UGT1A9: variants seen among roughly 807,000 people sequenced by gnomAD.
UGT1A9 encodes the protein UDP glucuronosyltransferase family 1 member A9.
Under a neutral mutation model 45.0 loss-of-function variants are expected in UGT1A9, and 35 were observed. The ratio of observed to expected loss-of-function variants is 0.78; its 90% CI spans 0.59 to 1.03. The LOEUF is 1.03. UGT1A9 is among the 50% of genes least tolerant of loss of function. The pLI is 0.00. For missense variants in UGT1A9, 687 were observed against 666.6 expected (o/e 1.03, Z -0.34); for synonymous variants, 278 against 250.6 (o/e 1.11, Z -1.03).
At chr2:233,740,026 G>A (rs1244657367) in intron 1 of UGT1A9, among the ~76,000 whole-genome samples, 1 of 151,782 alleles carries the variant, frequency 6.6e-6, no homozygotes, top group Non-Finnish European at 1.5e-5. Flanking sequence ...GAGAGCTGAT[G>A]GTTTTATAAG....
In UGT1A9 at chr2:233,734,393, C is replaced by T. The variant is rs557317498; in HGVS notation, c.856-32641C>T. On this transcript the variant is annotated intron_variant, in intron 1 of 4. Transcript: ENST00000354728. ...ATATTGCCTTTACTATTTTTTATTG[C>T]GTCTATTTGATTCTTCTCTCTTTTC... Among the ~76,000 whole-genome samples, 8 of 152,072 alleles carry T rather than the reference C, an allele frequency of 5.3e-5. No homozygotes were observed. In the East Asian group the frequency reaches 7.7e-4, roughly 15 times the overall value.
intron 1 of UGT1A9, among the ~76,000 whole-genome samples, chr2:233,710,430 T>C (rs1440479100): frequency 6.6e-6 from 1 of 152,242 alleles, no homozygotes; most frequent in Non-Finnish European, 1.5e-5. Context: ...AGACTTGCTA[T>C]TTTTAGTCTT....
At chr2:233,753,441 T>A (rs1695206490) in intron 1 of UGT1A9, 2 of 152,230 alleles carry the variant, frequency 1.3e-5, no homozygotes, top group African/African-American at 4.8e-5. Flanking sequence ...GTTAATGATG[T>A]GTTCAGGCCA....
At chr2:233,743,050 C>T (rs577515653) in intron 1 of UGT1A9, 59 of 318,104 alleles carry the variant, frequency 1.9e-4, no homozygotes, top group South Asian at 1.5e-3. Flanking sequence ...CCGTGTAGTC[C>T]CAACGATAAG....
chr2:233,705,342 G>A (rs2075842157), intron 1 of UGT1A9, among the ~76,000 whole-genome samples: 1 of 152,060 alleles, frequency 6.6e-6, no homozygotes, highest in Non-Finnish European at 1.5e-5. Flanking sequence ...CTCAATTTTT[G>A]TCTTATTACA....
At chr2:233,687,583 T>TAAAAAAAAAAAAAAAAAAAA in intron 1 of UGT1A9, among the ~76,000 whole-genome samples, 1 of 107,472 alleles carries the variant, frequency 9.3e-6, no homozygotes, top group Non-Finnish European at 1.9e-5. Context: ...ACATTCTTTG[T>TAAAAAAAAAAAAAAAAAAAA]AAAAAAAAAA....
intron 1 of UGT1A9, chr2:233,754,910 C>G: frequency 7.4e-7 from 1 of 1,353,942 alleles, no homozygotes; most frequent in South Asian, 1.1e-5. Flanking sequence ...CCAAAATATT[C>G]TCCAGCGGGT....
At chr2:233,746,322 CTA>C (rs780402376) in intron 1 of UGT1A9, among the ~76,000 whole-genome samples, 9 of 151,756 alleles carry the variant, frequency 5.9e-5, no homozygotes, top group Non-Finnish European at 1.0e-4. Flanking sequence ...TGTAGATGAT[CTA>C]CAGGGCAATG....
At chr2:233,714,779 A>T (rs2076411576) in intron 1 of UGT1A9, among the ~76,000 whole-genome samples, 1 of 152,270 alleles carries the variant, frequency 6.6e-6, no homozygotes, top group African/African-American at 2.4e-5. Flanking sequence ...AATTTGGAAT[A>T]GCCACATTTC....
At chr2:233,711,610 G>C (rs1267799055) in intron 1 of UGT1A9, among the ~76,000 whole-genome samples, 1 of 152,160 alleles carries the variant, frequency 6.6e-6, no homozygotes, top group Non-Finnish European at 1.5e-5. Flanking sequence ...GCGCCCTCTG[G>C]TGGACAGCTC....
intron 1 of UGT1A9, among the ~76,000 whole-genome samples, chr2:233,740,219 C>T (rs1379344559): frequency 6.6e-6 from 1 of 151,748 alleles, no homozygotes; most frequent in African/African-American, 2.4e-5. Context: ...GTCTCAGCTG[C>T]GTCTTTATAG....
At chr2:233,759,776 G>A (rs1697250630) in intron 1 of UGT1A9, among the ~76,000 whole-genome samples, 1 of 152,160 alleles carries the variant, frequency 6.6e-6, no homozygotes, top group African/African-American at 2.4e-5. Context: ...ATTGTTGGAC[G>A]AAGGAATGAA....
At chr2:233,677,047 A>G in intron 1 of UGT1A9, among the ~76,000 whole-genome samples, 1 of 151,876 alleles carries the variant, frequency 6.6e-6, no homozygotes, top group East Asian at 1.9e-4. Context: ...GCATTACCAT[A>G]TGCATTTTAA....
chr2:233,701,262 ATT>A (rs924256698), intron 1 of UGT1A9, among the ~76,000 whole-genome samples: 1 of 152,120 alleles, frequency 6.6e-6, no homozygotes, highest in African/African-American at 2.4e-5. Flanking sequence ...GTCAAATGGT[ATT>A]TCTAGTTCTA....
chr2:233,769,657 C>A lies in UGT1A9; in HGVS notation c.1295+1218C>A, dbSNP rs551497641. On this transcript the variant is annotated intron_variant, in intron 4 of 4. Coordinates refer to ENST00000354728, the MANE Select transcript of UGT1A9 (RefSeq NM_021027.3). This position sits in a 1 kb window ranked among gnomAD's most constrained non-coding sequence, Gnocchi z 4.4. ...GGGAGGACTGATGACTGACTTCCCACCTTTGAGGTGCTAATGTGTGTGTGG... is the reference window on the plus strand; with the variant it reads ...GGGAGGACTGATGACTGACTTCCCAACTTTGAGGTGCTAATGTGTGTGTGG... 2.5e-6 allele frequency: 4 copies of A among 1,602,364 alleles called. No individual in the cohort carries two copies. Among genetic ancestry groups the A allele is most frequent in the East Asian group, 4.5e-5 (2 of 44,626 alleles).
In UGT1A9 at chr2:233,699,991, T is replaced by G. The variant is rs568440591; in HGVS notation, c.855+27202T>G. 2.6e-4 allele frequency among the ~76,000 whole-genome samples: 40 copies of G among 152,294 alleles called. 1 individual carries two copies. Among genetic ancestry groups the G allele is most frequent in the African/African-American group, 8.9e-4 (37 of 41,564 alleles). On this transcript the variant is annotated intron_variant, in intron 1 of 4. Coordinates refer to ENST00000354728, the MANE Select transcript of UGT1A9 (RefSeq NM_021027.3). ...CCCCCAACTCCCAACAAAGAATTACTCTGGCTCAAAATGTCACGAGTGCTG... is the reference window on the plus strand; with the variant it reads ...CCCCCAACTCCCAACAAAGAATTACGCTGGCTCAAAATGTCACGAGTGCTG...
At chr2:233,768,985 C>T (rs1366556370) in intron 4 of UGT1A9, among the ~76,000 whole-genome samples, 1 of 151,774 alleles carries the variant, frequency 6.6e-6, no homozygotes, top group East Asian at 1.9e-4. Context: ...AATTTTATTT[C>T]CCCCATTAGA....
intron 1 of UGT1A9, among the ~76,000 whole-genome samples, chr2:233,712,775 T>G (rs1217639688): frequency 6.6e-6 from 1 of 151,950 alleles, no homozygotes; most frequent in Admixed American, 6.6e-5. Context: ...TCAGATGAGT[T>G]TTTCAAGATA....
intron 1 of UGT1A9, chr2:233,760,236 A>G: frequency 1.3e-6 from 2 of 1,590,176 alleles, no homozygotes; most frequent in Non-Finnish European, 1.7e-6. Context: ...TTTTTGCCAT[A>G]TATATATATA....
Sources: allele counts gnomAD v4.1 joint callset (sites outside exome capture counted in the v4.1 genomes callset), GRCh38; gene constraint gnomAD v4.1.1; non-coding constraint Gnocchi (gnomAD v3.1); transcripts MANE v1.5; gene names NCBI Gene and HGNC (gene_info 2026-07-23, HGNC 2026-07-21).